BAIAP2L1: variants seen among roughly 807,000 people sequenced by gnomAD.
BAIAP2L1 encodes BAR/IMD domain-containing adapter protein 2-like 1.
BAIAP2L1 carries 35 observed loss-of-function variants against 66.3 expected under a neutral mutation model. The observed-to-expected ratio is 0.53, with a 90% CI of 0.40 to 0.70. The LOEUF (loss-of-function observed/expected upper bound fraction) is 0.70, where lower values mean the gene tolerates loss of function less well. Among genes scored for constraint, BAIAP2L1 ranks in the 30% least tolerant of loss-of-function variants. The pLI is 0.00. For synonymous variants in BAIAP2L1, 269 were observed against 248.7 expected, an observed-to-expected ratio of 1.08 and a Z score of -0.77; for missense variants, 622 against 656.9, an observed-to-expected ratio of 0.95 and a Z score of 0.58.
Position 98,310,480 on chromosome 7 carries a change from G to C in BAIAP2L1, c.920C>G (p.Ala307Gly), listed in dbSNP as rs1490041144. The change falls in exon 9 of 14, where the codon GCT becomes GGT. Residue 307 changes from alanine to glycine, a missense_variant. Ala to Gly is a moderately conservative substitution (Grantham distance 60, BLOSUM62 0). Transcript: ENST00000005260. ...ATTTACCCTTTGTGAATTCGGGGCAGCCGTGGCTGGGTTATTAAACATATC... is the reference window on the plus strand; with the variant it reads ...ATTTACCCTTTGTGAATTCGGGGCACCCGTGGCTGGGTTATTAAACATATC... ...LIDMFNNPATAAPNSQRVNNS... is the reference protein window; with the variant it reads ...LIDMFNNPATGAPNSQRVNNS... The C allele has an allele frequency of 6.2e-7, 1 of 1,604,200 alleles. No homozygotes were observed. The highest frequency in any genetic ancestry group is 8.5e-7 in the Non-Finnish European group (1 of 1,176,922).
chr7:98,332,929 G>A (rs912278987), intron 3 of BAIAP2L1, among the ~76,000 whole-genome samples: 15 of 150,818 alleles, frequency 9.9e-5, no homozygotes, highest in Non-Finnish European at 2.1e-4. Context: ...AAAGCCCTAC[G>A]CGACCCAGCC....
At chr7:98,325,149 C>T (rs1047873456) in intron 3 of BAIAP2L1, among the ~76,000 whole-genome samples, 4 of 152,048 alleles carry the variant, frequency 2.6e-5, no homozygotes, top group East Asian at 1.9e-4. Flanking sequence ...CTTTGGGAGG[C>T]GGAGGCAGGC....
intron 1 of BAIAP2L1, among the ~76,000 whole-genome samples, chr7:98,388,115 CAGTT>C (rs878980179): frequency 1.6e-4 from 25 of 152,254 alleles, no homozygotes; most frequent in Admixed American, 2.0e-4. Context: ...TGCCTACTAA[CAGTT>C]AGCCCTAATT....
At chr7:98,394,242 A>AAAACAAAC (rs58526170) in intron 1 of BAIAP2L1, among the ~76,000 whole-genome samples, 62,402 of 150,414 alleles carry the variant, frequency 0.41, 13,782 homozygotes, top group Middle Eastern at 0.55. Context: ...CTCCGTCTCA[A>AAAACAAAC]AAACAAACAA....
At chr7:98,375,251 G>A (rs1802591313) in intron 1 of BAIAP2L1, among the ~76,000 whole-genome samples, 1 of 151,630 alleles carries the variant, frequency 6.6e-6, no homozygotes, top group Admixed American at 6.6e-5. Context: ...AAACTTAGTT[G>A]GGCCTGGTGG....
intron 12 of BAIAP2L1, among the ~76,000 whole-genome samples, chr7:98,299,791 A>G (rs1418829975): frequency 1.3e-5 from 2 of 152,232 alleles, no homozygotes; most frequent in Non-Finnish European, 2.9e-5. Flanking sequence ...CTATATTCCC[A>G]GCACTTTGGG....
intron 1 of BAIAP2L1, among the ~76,000 whole-genome samples, chr7:98,367,257 T>C (rs1802406913): frequency 6.6e-6 from 1 of 152,184 alleles, no homozygotes; most frequent in Non-Finnish European, 1.5e-5. Flanking sequence ...ATAACCATAG[T>C]ATATTATCAA....
At chr7:98,332,695 G>A (rs778005821) in intron 3 of BAIAP2L1, among the ~76,000 whole-genome samples, 51 of 150,218 alleles carry the variant, frequency 3.4e-4, no homozygotes, top group Middle Eastern at 3.5e-3. Context: ...TGTAATCCTA[G>A]CTACTCAGGA....
chr7:98,354,973 C>T, intron 3 of BAIAP2L1, 69 bp downstream of exon 3: 1 of 1,168,226 alleles, frequency 8.6e-7, no homozygotes, highest in Non-Finnish European at 1.3e-6. Flanking sequence ...ACTGGGCCAT[C>T]CCACGCGTTT....
intron 3 of BAIAP2L1, among the ~76,000 whole-genome samples, chr7:98,346,830 G>A (rs1801881700): frequency 6.6e-6 from 1 of 152,210 alleles, no homozygotes; most frequent in African/African-American, 2.4e-5. Flanking sequence ...AACGTAGATG[G>A]AATTAGAGAA....
intron 1 of BAIAP2L1, chr7:98,385,744 T>G (rs118141765): frequency 0.061 from 83,880 of 1,369,130 alleles, 4,717 homozygotes; most frequent in East Asian, 0.31. Context: ...TTTGTTGTTT[T>G]TTTTTTCACA....
At chr7:98,306,658 T>C in intron 10 of BAIAP2L1, 142 bp from the exon 11 acceptor site, 1 of 1,220,958 alleles carries the variant, frequency 8.2e-7, no homozygotes, top group South Asian at 1.5e-5. Context: ...AATTAAGGCT[T>C]TTAATAGGTA....
intron 3 of BAIAP2L1, among the ~76,000 whole-genome samples, chr7:98,350,481 C>T (rs1584476743): frequency 1.3e-5 from 2 of 152,136 alleles, no homozygotes; most frequent in East Asian, 1.9e-4. Flanking sequence ...CATGGTGAAA[C>T]AATACCGCTC....
intron 5 of BAIAP2L1, among the ~76,000 whole-genome samples, 174 bp downstream of exon 5, chr7:98,319,884 G>A (rs892022597): frequency 2.6e-5 from 4 of 152,056 alleles, no homozygotes; most frequent in Non-Finnish European, 5.9e-5. Flanking sequence ...AAGTGTTAGC[G>A]AAAACCGGCC....
chr7:98,376,621 G>C (rs1480481199), intron 1 of BAIAP2L1, among the ~76,000 whole-genome samples: 2 of 133,492 alleles, frequency 1.5e-5, no homozygotes, highest in African/African-American at 5.6e-5. Context: ...AGGAGTTCGA[G>C]ACCAGCCTGA....
At chr7:98,293,720 A>G in intron 13 of BAIAP2L1, 124 bp from the exon 14 acceptor site, 1 of 868,732 alleles carries the variant, frequency 1.2e-6, no homozygotes, top group South Asian at 1.4e-5. Flanking sequence ...CAGCTTGTAC[A>G]GGTCCCAGCA....
rs577614626 is a variant in BAIAP2L1, at chr7:98,390,689, G to C, written c.51+10113C>G. ...AGAGCTTGCAGTGAGCCAAGATTGC[G>C]CCACTGCACTACAGCCTGGGTGACA... is the stretch of plus-strand genomic sequence containing the variant. On this transcript the variant is annotated intron_variant, in intron 1 of 13. Coordinates refer to ENST00000005260, the MANE Select transcript of BAIAP2L1 (RefSeq NM_018842.5). 1.3e-4 allele frequency among the ~76,000 whole-genome samples: 20 copies of C among 151,628 alleles called. No individual in the cohort carries two copies. In the South Asian group the frequency reaches 4.0e-3, roughly 30 times the overall value.
At chr7:98,320,928 C>T (rs112600716) in intron 3 of BAIAP2L1, among the ~76,000 whole-genome samples, 2 of 152,242 alleles carry the variant, frequency 1.3e-5, no homozygotes, top group Non-Finnish European at 2.9e-5. Context: ...ACGACCTTGG[C>T]TCACTGCAGC....
At chr7:98,357,344 G>A (rs1442878567) in intron 2 of BAIAP2L1, among the ~76,000 whole-genome samples, 1 of 150,884 alleles carries the variant, frequency 6.6e-6, no homozygotes, top group Non-Finnish European at 1.5e-5. Flanking sequence ...TGAGGCAGGA[G>A]GATCACGAGG....
Sources: gnomAD v4.1 joint callset for allele counts (sites outside exome capture counted in the v4.1 genomes callset) on GRCh38, gnomAD v4.1.1 for gene constraint, MANE v1.5 for transcripts, NCBI Gene and HGNC (gene_info 2026-07-23, HGNC 2026-07-21) for gene names.